The following VEGFC variants were observed in gnomAD, a reference collection of about 807,000 sequenced individuals.
VEGFC encodes FLT4 ligand DHM.
A neutral mutation model predicts 46.1 loss-of-function variants in VEGFC; 12 were observed. The observed-to-expected ratio is 0.26, with a 90% CI of 0.17 to 0.42. The LOEUF is 0.42. Ranked by LOEUF, VEGFC falls within the 10% of genes least tolerant of loss-of-function variation. The pLI is 1.00. For missense variants in VEGFC, 488 were observed against 529.4 expected, an observed-to-expected ratio of 0.92 and a Z score of 0.77; for synonymous variants, 232 against 195.5, an observed-to-expected ratio of 1.19 and a Z score of -1.56.
intron 4 of VEGFC, among the ~76,000 whole-genome samples, chr4:176,688,426 G>A (rs1173281860): frequency 6.6e-6 from 1 of 152,078 alleles, no homozygotes; most frequent in Admixed American, 6.6e-5. Context: ...AGCAATACTG[G>A]AGGAAACATC....
chr4:176,782,257 G>A (rs909963591), intron 1 of VEGFC, among the ~76,000 whole-genome samples: 1 of 152,192 alleles, frequency 6.6e-6, no homozygotes, highest in Admixed American at 6.5e-5. Flanking sequence ...GAGCCCAGGA[G>A]TTTGAGAGCA....
chr4:176,708,892 G>A (rs74744763), intron 4 of VEGFC, among the ~76,000 whole-genome samples: 3 of 152,254 alleles, frequency 2.0e-5, no homozygotes, highest in East Asian at 1.9e-4. Context: ...TAAGCATTCA[G>A]TACTTCATTC....
intron 4 of VEGFC, among the ~76,000 whole-genome samples, chr4:176,709,079 C>G (rs536145803): frequency 1.3e-5 from 2 of 152,176 alleles, no homozygotes; most frequent in South Asian, 4.2e-4. Flanking sequence ...TGACCTCAAA[C>G]AGTGTATAGG....
intron 3 of VEGFC, among the ~76,000 whole-genome samples, chr4:176,721,572 G>A (rs1734787641): frequency 6.6e-6 from 1 of 152,182 alleles, no homozygotes; most frequent in Non-Finnish European, 1.5e-5. Context: ...TTAGCAGCGT[G>A]GAGACACTGG....
chr4:176,765,340 T>A, intron 1 of VEGFC, among the ~76,000 whole-genome samples: 1 of 151,542 alleles, frequency 6.6e-6, no homozygotes, highest in East Asian at 1.9e-4. Flanking sequence ...GAGCAGATAC[T>A]GCAAATGTTT....
intron 3 of VEGFC, among the ~76,000 whole-genome samples, chr4:176,720,343 C>T (rs77170593): frequency 0.012 from 1,821 of 152,242 alleles, 26 homozygotes; most frequent in Non-Finnish European, 0.017. Flanking sequence ...AATTGTACAT[C>T]AAACCTTCTG....
At chr4:176,733,644 G>C (rs1229027486) in intron 1 of VEGFC, among the ~76,000 whole-genome samples, 2 of 151,760 alleles carry the variant, frequency 1.3e-5, no homozygotes, top group East Asian at 3.9e-4. Flanking sequence ...AATATGTTTG[G>C]GAAGGGGAGA....
intron 1 of VEGFC, among the ~76,000 whole-genome samples, chr4:176,788,437 G>A (rs370862505): frequency 2.6e-5 from 4 of 152,334 alleles, no homozygotes; most frequent in South Asian, 4.1e-4. Flanking sequence ...GACCAGCAGA[G>A]GGGCTGAAAG....
intron 3 of VEGFC, among the ~76,000 whole-genome samples, chr4:176,714,909 G>A (rs1157111477): frequency 2.0e-5 from 3 of 152,210 alleles, no homozygotes; most frequent in Non-Finnish European, 4.4e-5. Flanking sequence ...GGAAAACTAA[G>A]TGTGGCTCTA....
intron 1 of VEGFC, among the ~76,000 whole-genome samples, chr4:176,753,673 A>G (rs1169134118): frequency 2.0e-5 from 3 of 152,092 alleles, no homozygotes; most frequent in Admixed American, 1.3e-4. Flanking sequence ...GTTTTAAAAT[A>G]TTTCTATTTA....
intron 1 of VEGFC, among the ~76,000 whole-genome samples, chr4:176,791,783 G>T (rs1259187643): frequency 6.6e-6 from 1 of 152,092 alleles, no homozygotes; most frequent in Non-Finnish European, 1.5e-5. Flanking sequence ...AATCTGTTTG[G>T]AGTCCCATGA....
intron 1 of VEGFC, among the ~76,000 whole-genome samples, chr4:176,743,442 T>C (rs1169237922): frequency 2.6e-5 from 4 of 151,842 alleles, no homozygotes; most frequent in African/African-American, 4.8e-5. Context: ...ACTCTTGTCA[T>C]GACAACTGAC....
At chr4:176,764,029 C>A (rs1735575320) in intron 1 of VEGFC, among the ~76,000 whole-genome samples, 1 of 152,178 alleles carries the variant, frequency 6.6e-6, no homozygotes, top group East Asian at 1.9e-4. Context: ...ACTTCCACTT[C>A]TGACCATGAT....
At chr4:176,710,728 T>G (rs547460261) in intron 4 of VEGFC, among the ~76,000 whole-genome samples, 30 of 152,270 alleles carry the variant, frequency 2.0e-4, no homozygotes, top group African/African-American at 7.0e-4. Flanking sequence ...ATCCCTACTT[T>G]GGGGCAGAAA....
chr4:176,684,098 G>T, intron 6 of VEGFC, 58 bp from the exon 7 acceptor site: 1 of 1,221,804 alleles, frequency 8.2e-7, no homozygotes, highest in Non-Finnish European at 1.2e-6. Flanking sequence ...GATTCATCAT[G>T]CTACCAAGGT....
chr4:176,762,989 A>C (rs978902863), intron 1 of VEGFC, among the ~76,000 whole-genome samples: 2 of 152,258 alleles, frequency 1.3e-5, no homozygotes, highest in Non-Finnish European at 2.9e-5. Context: ...GACTGCAAGG[A>C]AATTTGCCTG....
chr4:176,750,673 G>T (rs990578466), intron 1 of VEGFC, among the ~76,000 whole-genome samples: 1 of 151,680 alleles, frequency 6.6e-6, no homozygotes, highest in Non-Finnish European at 1.5e-5. Context: ...CTTCTCATAG[G>T]TATACATATA....
intron 3 of VEGFC, among the ~76,000 whole-genome samples, chr4:176,718,419 G>A (rs1734729947): frequency 6.6e-6 from 1 of 151,942 alleles, no homozygotes; most frequent in South Asian, 2.1e-4. Flanking sequence ...TTTTACTTAG[G>A]TTTAAATATT....
intron 4 of VEGFC, among the ~76,000 whole-genome samples, chr4:176,700,972 A>G (rs551176811): frequency 6.6e-6 from 1 of 152,342 alleles, no homozygotes; most frequent in African/African-American, 2.4e-5. Flanking sequence ...AACAGGCGGA[A>G]CACGGAGACT....
Sources: gnomAD v4.1 joint callset for allele counts (sites outside exome capture counted in the v4.1 genomes callset) on GRCh38, gnomAD v4.1.1 for gene constraint, MANE v1.5 for transcripts, NCBI Gene and HGNC (gene_info 2026-07-23, HGNC 2026-07-21) for gene names.